The following COL24A1 variants were observed in gnomAD, a reference collection of about 807,000 sequenced individuals.
COL24A1 encodes collagen type XXIV alpha 1 chain, also known as collagen alpha-1(XXIV) chain.
Under a neutral mutation model 253.9 loss-of-function variants are expected in COL24A1, and 224 were observed. The ratio of observed to expected loss-of-function variants is 0.88; its 90% CI spans 0.79 to 0.99. The LOEUF (loss-of-function observed/expected upper bound fraction) is 0.99. Ranked by LOEUF, COL24A1 falls within the 50% of genes least tolerant of loss-of-function variation. COL24A1 has a pLI of 0.00. For missense variants in COL24A1, 2,131 were observed against 2,068.5 expected (o/e 1.03, Z -0.59); for synonymous variants, 685 against 673.7 (o/e 1.02, Z -0.26).
At chr1:85,816,943 T>G (rs757773769) in intron 46 of COL24A1, 48 bp from the exon 47 acceptor site, 2 of 1,314,054 alleles carry the variant, frequency 1.5e-6, no homozygotes. Flanking sequence ...GAAAAGATGT[T>G]AAGATGACAA....
intron 24 of COL24A1, 108 bp from the exon 25 acceptor site, chr1:85,911,541 A>T (rs1365798855): frequency 9.9e-6 from 9 of 906,536 alleles, no homozygotes; most frequent in Non-Finnish European, 1.6e-5. Context: ...ACTTATCCTA[A>T]ATGTTATCTT....
chr1:86,084,090 T>TA, intron 7 of COL24A1, among the ~76,000 whole-genome samples: 1 of 152,290 alleles, frequency 6.6e-6, no homozygotes, highest in East Asian at 1.9e-4. Flanking sequence ...AACAAAGGCC[T>TA]ATAACCATGG....
At chr1:85,887,440 G>A (rs376204976) in intron 32 of COL24A1, among the ~76,000 whole-genome samples, 19 of 151,604 alleles carry the variant, frequency 1.3e-4, no homozygotes, top group South Asian at 2.1e-4. Context: ...CTTTCTGTAC[G>A]TGTGTGATTA....
chr1:85,777,527 T>A (rs1209634784), intron 52 of COL24A1, among the ~76,000 whole-genome samples: 1 of 152,162 alleles, frequency 6.6e-6, no homozygotes, highest in Non-Finnish European at 1.5e-5. Flanking sequence ...TAATATTCCA[T>A]GAAATGGCTA....
chr1:85,801,040 GATT>G (rs1671375159), intron 47 of COL24A1, among the ~76,000 whole-genome samples: 1 of 152,128 alleles, frequency 6.6e-6, no homozygotes, highest in Admixed American at 6.5e-5. Context: ...AGTTTCTCGA[GATT>G]ATTAGATATG....
chr1:86,147,423 T>A (rs998889394), intron 1 of COL24A1, among the ~76,000 whole-genome samples: 1 of 152,260 alleles, frequency 6.6e-6, no homozygotes, highest in Non-Finnish European at 1.5e-5. Flanking sequence ...AAGGTTTCGA[T>A]AGAATACTTA....
intron 24 of COL24A1, among the ~76,000 whole-genome samples, chr1:85,919,292 T>C (rs1159646493): frequency 1.3e-5 from 2 of 152,236 alleles, no homozygotes; most frequent in East Asian, 3.8e-4. Context: ...TAAGCTGATA[T>C]GACATGGCAA....
intron 5 of COL24A1, among the ~76,000 whole-genome samples, chr1:86,096,983 T>G (rs965321936): frequency 1.3e-5 from 2 of 152,226 alleles, no homozygotes; most frequent in Non-Finnish European, 2.9e-5. Flanking sequence ...TAAAATGCTC[T>G]GCCTTCTCTC....
intron 24 of COL24A1, among the ~76,000 whole-genome samples, chr1:85,917,224 A>G (rs1352965160): frequency 6.6e-6 from 1 of 152,236 alleles, no homozygotes; most frequent in Non-Finnish European, 1.5e-5. Context: ...CAAAATTTTA[A>G]AACGCATACA....
chr1:85,756,712 G>A lies in COL24A1; in HGVS notation c.4437+4684C>T, dbSNP rs992134393. Among the ~76,000 whole-genome samples, 12 of 151,086 alleles carry A rather than the reference G, an allele frequency of 7.9e-5. 1 individual carries two copies. Among genetic ancestry groups the A allele is most frequent in the Admixed American group, 4.6e-4 (7 of 15,064 alleles). ...CATGATACAACAGTTTCATTTCTAGGTATATACCCAAATGAATTGAAAGTG... is the reference window on the plus strand; with the variant it reads ...CATGATACAACAGTTTCATTTCTAGATATATACCCAAATGAATTGAAAGTG... On this transcript the variant is annotated intron_variant, in intron 55 of 59. Transcript: ENST00000370571.
In COL24A1 at chr1:85,868,500, T is replaced by C; in HGVS notation, c.3300+19A>G. ...AGTGAATTCACTTAGTATTTGAAAGTGAACCCAGCAGTACTTACCGGAAGG... is the reference window on the plus strand; with the variant it reads ...AGTGAATTCACTTAGTATTTGAAAGCGAACCCAGCAGTACTTACCGGAAGG... On this transcript the variant is annotated intron_variant, in intron 37 of 59. Transcript: ENST00000370571. 6.3e-7 allele frequency: 1 copy of C among 1,581,838 alleles called. No homozygotes were observed. Among genetic ancestry groups the C allele is most frequent in the South Asian group, 1.1e-5 (1 of 90,218 alleles).
At chr1:85,948,066 A>G (rs1689502852) in intron 24 of COL24A1, among the ~76,000 whole-genome samples, 1 of 152,186 alleles carries the variant, frequency 6.6e-6, no homozygotes, top group Non-Finnish European at 1.5e-5. Flanking sequence ...AGTCTCATGC[A>G]TATCTCCTGA....
chr1:86,015,600 C>T (rs1696916916), intron 19 of COL24A1, among the ~76,000 whole-genome samples: 1 of 152,048 alleles, frequency 6.6e-6, no homozygotes, highest in South Asian at 2.1e-4. Flanking sequence ...TAGGACAATA[C>T]AGTCATAATA....
intron 2 of COL24A1, among the ~76,000 whole-genome samples, chr1:86,144,607 A>G (rs1651621851): frequency 1.3e-5 from 2 of 152,172 alleles, no homozygotes; most frequent in Admixed American, 6.5e-5. Context: ...TACAAAATAT[A>G]CATTTAATTA....
chr1:85,976,452 C>A (rs150311256), intron 20 of COL24A1, among the ~76,000 whole-genome samples: 22 of 152,234 alleles, frequency 1.4e-4, no homozygotes, highest in Admixed American at 1.0e-3. Flanking sequence ...AAGAACCACA[C>A]CCCCTCCCCC....
intron 5 of COL24A1, among the ~76,000 whole-genome samples, chr1:86,108,287 A>C (rs1301377627): frequency 6.6e-6 from 1 of 152,196 alleles, no homozygotes; most frequent in African/African-American, 2.4e-5. Flanking sequence ...AATGTGTTTA[A>C]TCTTGGAACA....
At chr1:85,875,716 GACACACACACACAC>G (rs141827930) in intron 33 of COL24A1, among the ~76,000 whole-genome samples, 137 of 141,110 alleles carry the variant, frequency 9.7e-4, no homozygotes, top group African/African-American at 1.9e-3. Context: ...CATTATAAAA[GACACACACACACAC>G]ACACACACAC....
In COL24A1 at chr1:85,729,875, G is replaced by A. The variant is rs1026818594; in HGVS notation, c.*671C>T. 3 of 152,534 alleles carry A rather than the reference G, an allele frequency of 2.0e-5. No individual in the cohort carries two copies. The highest frequency in any genetic ancestry group is 2.1e-4 in the South Asian group (1 of 4,828). 9.4% of individuals were successfully genotyped at this position (152,534 alleles called of 1,614,324 possible). On this transcript the variant is annotated 3_prime_UTR_variant, in exon 60 of 60. Transcript: ENST00000370571. Reference sequence around the variant, plus strand: ...AAGGACTTCACATAAATAGTTTCACGTGTTATTAAGTGTGTGACCAAACAA... The same window carrying A: ...AAGGACTTCACATAAATAGTTTCACATGTTATTAAGTGTGTGACCAAACAA...
In COL24A1 at chr1:86,058,024, A is replaced by C. The variant is rs1235805362; in HGVS notation, c.1807-49T>G. On this transcript the variant is annotated intron_variant, in intron 9 of 59. Coordinates refer to ENST00000370571, the MANE Select transcript of COL24A1 (RefSeq NM_152890.7). ...CATCATACTACAGTACTTTTTAAAGAGTTAATAAATAGATTAATAAAAAGG... is the reference window on the plus strand; with the variant it reads ...CATCATACTACAGTACTTTTTAAAGCGTTAATAAATAGATTAATAAAAAGG... 3 of 1,492,294 alleles carry C rather than the reference A, an allele frequency of 2.0e-6. No homozygotes were observed. In the African/African-American group the frequency reaches 4.2e-5, roughly 21 times the overall value. 92.4% of individuals were successfully genotyped at this position (1,492,294 alleles called of 1,614,324 possible).
Sources: gnomAD v4.1 joint callset for allele counts (sites outside exome capture counted in the v4.1 genomes callset) on GRCh38, gnomAD v4.1.1 for gene constraint, MANE v1.5 for transcripts, NCBI Gene and HGNC (gene_info 2026-07-23, HGNC 2026-07-21) for gene names.